Variants in CMIP observed in about 807,000 individuals in gnomAD.
The protein encoded by CMIP is C-Maf-inducing protein.
Under a neutral mutation model 97.3 loss-of-function variants are expected in CMIP, and 13 were observed. The ratio of observed to expected loss-of-function variants is 0.13; its 90% CI spans 0.09 to 0.21. The LOEUF (loss-of-function observed/expected upper bound fraction) is 0.21. CMIP is among the 10% of genes least tolerant of loss of function. The pLI is 1.00. For synonymous variants in CMIP, 538 were observed against 436.3 expected, an observed-to-expected ratio of 1.23 and a Z score of -2.91; for missense variants, 847 against 1,024.9, an observed-to-expected ratio of 0.83 and a Z score of 2.37.
At chr16:81,533,184 C>T (rs1474454410) in intron 1 of CMIP, among the ~76,000 whole-genome samples, 4 of 152,150 alleles carry the variant, frequency 2.6e-5, no homozygotes, top group Admixed American at 2.6e-4. Context: ...GCGTTTCTTA[C>T]TTATTTTGTT....
intron 1 of CMIP, among the ~76,000 whole-genome samples, chr16:81,492,217 G>C (rs1309716512): frequency 6.6e-6 from 1 of 152,214 alleles, no homozygotes; most frequent in Non-Finnish European, 1.5e-5. Flanking sequence ...GAGCCCATCT[G>C]TAATGCCATC....
At chr16:81,505,749 G>C (rs1339044012) in intron 1 of CMIP, among the ~76,000 whole-genome samples, 1 of 152,204 alleles carries the variant, frequency 6.6e-6, no homozygotes, top group Non-Finnish European at 1.5e-5. Flanking sequence ...CCAGCACTTT[G>C]GGAGGCCAAG....
chr16:81,681,690 A>G (rs563216505), intron 10 of CMIP, among the ~76,000 whole-genome samples: 4 of 152,372 alleles, frequency 2.6e-5, no homozygotes, highest in East Asian at 1.9e-4. Context: ...GAAAAGCCAC[A>G]TGGCATTTAT....
At chr16:81,481,973 G>A (rs774143465) in intron 1 of CMIP, among the ~76,000 whole-genome samples, 2 of 151,678 alleles carry the variant, frequency 1.3e-5, no homozygotes, top group Non-Finnish European at 2.9e-5. Flanking sequence ...CTGCCTCCCG[G>A]GTTCAGGTGA....
chr16:81,660,285 T>C (rs1450028794), intron 5 of CMIP, among the ~76,000 whole-genome samples: 1 of 152,002 alleles, frequency 6.6e-6, no homozygotes, highest in African/African-American at 2.4e-5. Context: ...TTTTCTTTTT[T>C]TTTTTTAAGG....
Position 81,586,774 on chromosome 16 carries a change from A to C in CMIP, c.301-20793A>C, listed in dbSNP as rs2091390380. On this transcript the variant is annotated intron_variant, in intron 1 of 20. Coordinates refer to ENST00000537098, the MANE Select transcript of CMIP (RefSeq NM_198390.3). ...CACATGGAATTCTACTAATGTGTAGACATCTGACTCCCCACTCAACTGTGG... is the reference window on the plus strand; with the variant it reads ...CACATGGAATTCTACTAATGTGTAGCCATCTGACTCCCCACTCAACTGTGG... Among the ~76,000 whole-genome samples the C allele has an allele frequency of 3.3e-5, 5 of 152,338 alleles. No homozygotes were observed. The South Asian group carries it at 1.0e-3, about 32-fold the overall frequency.
intron 13 of CMIP, among the ~76,000 whole-genome samples, chr16:81,695,234 T>G (rs753107): frequency 0.21 from 31,846 of 152,234 alleles, 3,876 homozygotes; most frequent in African/African-American, 0.32. Context: ...TCTCTCTCCC[T>G]TTTCCTCCTC....
chr16:81,667,128 G>C (rs866493359), intron 7 of CMIP: 2 of 152,188 alleles, frequency 1.3e-5, no homozygotes, highest in African/African-American at 4.8e-5. Context: ...ACGTAGCCAC[G>C]GTGCTGTTCT....
chr16:81,678,432 G>T lies in CMIP; in HGVS notation c.1192G>T (p.Ala398Ser). Residue 398 changes from alanine to serine, a missense_variant, in exon 10 of 21, where the codon GCC (alanine) becomes TCC (serine). Around this residue, in one of 4 missense-constraint regions of CMIP, gnomAD observed 202 missense variants for 168.7 expected, o/e 1.20. Coordinates refer to ENST00000537098, the MANE Select transcript of CMIP (RefSeq NM_198390.3). ...SEARLKSVVV[A>S]SSEIHVEVER... is the part of the protein sequence containing the mutation. Reference sequence around the variant, plus strand: ...GGCCCGGCTCAAGTCGGTGGTCGTGGCCTCCAGTGAGATCCACGTGGAGGT... The same window carrying T: ...GGCCCGGCTCAAGTCGGTGGTCGTGTCCTCCAGTGAGATCCACGTGGAGGT... 6.3e-7 allele frequency: 1 copy of T among 1,591,438 alleles called. No individual in the cohort carries two copies. The highest frequency in any genetic ancestry group is 8.5e-7 in the Non-Finnish European group (1 of 1,169,914).
intron 1 of CMIP, among the ~76,000 whole-genome samples, chr16:81,598,298 C>G (rs1244321597): frequency 1.3e-5 from 2 of 152,120 alleles, no homozygotes; most frequent in East Asian, 3.9e-4. Flanking sequence ...CAGAGCTGAC[C>G]AACAGGGCGG....
At chr16:81,701,537 C>T (rs565172160) in intron 15 of CMIP, 123 bp from the exon 16 acceptor site, 18 of 1,366,002 alleles carry the variant, frequency 1.3e-5, no homozygotes, top group Middle Eastern at 1.8e-4. Context: ...CTTACACAGC[C>T]GGGGCTGCAG....
chr16:81,676,043 C>A (rs903183355), intron 9 of CMIP, among the ~76,000 whole-genome samples: 1 of 152,130 alleles, frequency 6.6e-6, no homozygotes, highest in Non-Finnish European at 1.5e-5. Context: ...AGTTCCATTC[C>A]CCTCTGGCTG....
intron 1 of CMIP, among the ~76,000 whole-genome samples, chr16:81,559,612 C>T (rs934336178): frequency 7.2e-5 from 11 of 152,110 alleles, no homozygotes; most frequent in African/African-American, 2.4e-4. Context: ...TGTCATAGTG[C>T]AATGCATTGC....
At position 81,500,272 on chromosome 16, in the gene CMIP, G is replaced by GTCCTTCCTTCCTTCCTTCCTTCCTTCCT. The variant is rs143054986; in HGVS notation, c.300+54736_300+54763dup. 7.4e-3 allele frequency among the ~76,000 whole-genome samples: 482 copies of GTCCTTCCTTCCTTCCTTCCTTCCTTCCT among 64,816 alleles called. 28 individuals are homozygous for GTCCTTCCTTCCTTCCTTCCTTCCTTCCT. Among genetic ancestry groups the GTCCTTCCTTCCTTCCTTCCTTCCTTCCT allele is most frequent in the African/African-American group, 0.018 (307 of 16,652 alleles). 42.5% of individuals were successfully genotyped at this position (64,816 alleles called of 152,430 possible). ...CTTCCTTCCGTCCTTCCTTCCTTCCGTCCTTCCTTCCTTCCTTCCTTCCTT... is the reference window on the plus strand; with the variant it reads ...CTTCCTTCCGTCCTTCCTTCCTTCCGTCCTTCCTTCCTTCCTTCCTTCCTTCCTTCCTTCCTTCCTTCCTTCCTTCCTT... On this transcript the variant is annotated intron_variant, in intron 1 of 20. Transcript: ENST00000537098.
At chr16:81,583,697 G>C (rs572265396) in intron 1 of CMIP, among the ~76,000 whole-genome samples, 21 of 152,274 alleles carry the variant, frequency 1.4e-4, no homozygotes, top group African/African-American at 5.1e-4. Flanking sequence ...TCCTCTGTCT[G>C]TCGTTGCAGA....
chr16:81,591,517 A>T (rs942100340), intron 1 of CMIP, among the ~76,000 whole-genome samples: 1 of 152,232 alleles, frequency 6.6e-6, no homozygotes, highest in Admixed American at 6.5e-5. Context: ...CTGCAGGTGC[A>T]CACAGCCACA....
intron 10 of CMIP, among the ~76,000 whole-genome samples, chr16:81,680,330 C>G (rs539508099): frequency 6.6e-6 from 1 of 152,372 alleles, no homozygotes; most frequent in Non-Finnish European, 1.5e-5. Flanking sequence ...TTCTGAGGGC[C>G]TGGTGAGCTG....
rs1567610653 is a variant in CMIP, at chr16:81,613,489, CCCTAA to C, written c.426+5798_426+5802del. The stretch of plus-strand genomic sequence containing the variant: ...GTTTTACCACATTCTAGCTGTGGAA[CCCTAA>C]ACAGCAGGAAGAACCTCTCTGGGGC... On this transcript the variant is annotated intron_variant, in intron 2 of 20. Coordinates refer to ENST00000537098, the MANE Select transcript of CMIP (RefSeq NM_198390.3). 4.4e-3 allele frequency among the ~76,000 whole-genome samples: 674 copies of C among 152,294 alleles called. 7 individuals are homozygous for C. The highest frequency in any genetic ancestry group is 0.015 in the African/African-American group (639 of 41,552).
In CMIP at chr16:81,709,816, C is replaced by CAGG; in HGVS notation, c.*19_*21dup. On this transcript the variant is annotated 3_prime_UTR_variant, in exon 21 of 21. Coordinates refer to ENST00000537098, the MANE Select transcript of CMIP (RefSeq NM_198390.3). The stretch of plus-strand genomic sequence containing the variant: ...GCCTGGTGAAGCTCCCAGCTCAAGG[C>CAGG]AGGAAGACGTTTGCAACCGCGACAA... The CAGG allele has an allele frequency of 6.2e-7, 1 of 1,613,632 alleles. No homozygotes were observed. Among genetic ancestry groups the CAGG allele is most frequent in the Non-Finnish European group, 8.5e-7 (1 of 1,179,740 alleles).
Sources: gnomAD v4.1 joint callset for allele counts (sites outside exome capture counted in the v4.1 genomes callset) on GRCh38, gnomAD v4.1.1 for gene constraint, gnomAD v4.1.1 regional missense constraint, MANE v1.5 for transcripts, NCBI Gene and HGNC (gene_info 2026-07-23, HGNC 2026-07-21) for gene names.